Variants in GRID1 observed in about 807,000 individuals in gnomAD.
GRID1 encodes glutamate receptor ionotropic, delta-1.
Under a neutral mutation model 98.0 loss-of-function variants are expected in GRID1, and 28 were observed. The observed-to-expected ratio is 0.29, with a 90% CI of 0.21 to 0.39. The LOEUF (loss-of-function observed/expected upper bound fraction) is 0.39, where lower values mean the gene tolerates loss of function less well. GRID1 is among the 10% of genes least tolerant of loss of function. GRID1 has a pLI of 1.00. For synonymous variants in GRID1, 553 were observed against 538.5 expected, an observed-to-expected ratio of 1.03 and a Z score of -0.37; for missense variants, 1,111 against 1,340.5, an observed-to-expected ratio of 0.83 and a Z score of 2.67.
intron 5 of GRID1, among the ~76,000 whole-genome samples, chr10:85,875,786 A>C (rs1486986159): frequency 6.6e-6 from 1 of 152,150 alleles, no homozygotes; most frequent in Non-Finnish European, 1.5e-5. Context: ...TTTTAATTCA[A>C]TCTTTCTTTG....
intron 5 of GRID1, among the ~76,000 whole-genome samples, chr10:85,906,466 T>A (rs917986604): frequency 2.6e-5 from 4 of 152,292 alleles, no homozygotes; most frequent in Non-Finnish European, 4.4e-5. Flanking sequence ...TCAAGTATAC[T>A]TGAAATATCT....
intron 2 of GRID1, among the ~76,000 whole-genome samples, chr10:86,280,681 A>G (rs1847345611): frequency 1.3e-5 from 2 of 152,260 alleles, no homozygotes; most frequent in South Asian, 2.1e-4. Flanking sequence ...TTTCAAGGCC[A>G]TGACCTGGCC....
chr10:85,793,333 C>T (rs114445519), intron 8 of GRID1, among the ~76,000 whole-genome samples: 31 of 152,334 alleles, frequency 2.0e-4, no homozygotes, highest in Non-Finnish European at 2.8e-4. Flanking sequence ...GTGTGCTCTC[C>T]GCAATCAAGC....
At chr10:85,798,645 C>G (rs73330529) in intron 8 of GRID1, among the ~76,000 whole-genome samples, 4,949 of 152,116 alleles carry the variant, frequency 0.033, 107 homozygotes, top group East Asian at 0.064. Context: ...TACATACTGT[C>G]TCTTTGCATA....
At chr10:86,032,319 G>C (rs1261733056) in intron 4 of GRID1, among the ~76,000 whole-genome samples, 1 of 152,236 alleles carries the variant, frequency 6.6e-6, no homozygotes, top group African/African-American at 2.4e-5. Flanking sequence ...ACCCCATCTG[G>C]GAGGTGTACC....
At chr10:86,149,475 G>C (rs1268592094) in intron 3 of GRID1, among the ~76,000 whole-genome samples, 3 of 152,138 alleles carry the variant, frequency 2.0e-5, no homozygotes, top group Non-Finnish European at 4.4e-5. Context: ...CCCCTGCCTG[G>C]GGCACTAACA....
chr10:85,968,387 C>G (rs909183266), intron 4 of GRID1, among the ~76,000 whole-genome samples: 1 of 144,370 alleles, frequency 6.9e-6, no homozygotes, highest in Non-Finnish European at 1.5e-5. Flanking sequence ...GGAGGCGGAG[C>G]TGGCTGTGAG....
intron 2 of GRID1, among the ~76,000 whole-genome samples, chr10:86,326,096 A>T (rs1006608588): frequency 6.6e-6 from 1 of 152,270 alleles, no homozygotes; most frequent in African/African-American, 2.4e-5. Context: ...AGCACTCCCA[A>T]TTAGAAAATG....
At chr10:85,726,943 G>C (rs1841767152) in intron 10 of GRID1, among the ~76,000 whole-genome samples, 1 of 152,182 alleles carries the variant, frequency 6.6e-6, no homozygotes, top group Non-Finnish European at 1.5e-5. Context: ...AGGTGTTTCT[G>C]AAAAAGATTA....
intron 8 of GRID1, among the ~76,000 whole-genome samples, chr10:85,787,298 G>A (rs909088421): frequency 1.4e-4 from 21 of 152,134 alleles, no homozygotes; most frequent in Non-Finnish European, 3.1e-4. Context: ...CATCCTCATT[G>A]CCTGGATCTG....
intron 2 of GRID1, among the ~76,000 whole-genome samples, chr10:86,231,849 G>A (rs1396035539): frequency 6.6e-6 from 1 of 152,148 alleles, no homozygotes; most frequent in African/African-American, 2.4e-5. Flanking sequence ...TTAACTGTCT[G>A]TCTCCCCAAG....
At chr10:85,628,450 G>T (rs1426813960) in intron 13 of GRID1, among the ~76,000 whole-genome samples, 2 of 152,100 alleles carry the variant, frequency 1.3e-5, no homozygotes, top group East Asian at 3.9e-4. Context: ...TTGCCCCCAG[G>T]GAGGCAGCAG....
chr10:86,094,863 AC>A (rs1844198430), intron 4 of GRID1, among the ~76,000 whole-genome samples: 1 of 152,174 alleles, frequency 6.6e-6, no homozygotes, highest in African/African-American at 2.4e-5. Flanking sequence ...TTCATGTGGA[AC>A]CAAAAAAGAG....
chr10:86,083,958 G>A (rs1338354211), intron 4 of GRID1, among the ~76,000 whole-genome samples: 4 of 152,232 alleles, frequency 2.6e-5, no homozygotes, highest in Admixed American at 2.6e-4. Flanking sequence ...CCCAAGGGAA[G>A]GGGCGAGGCT....
At chr10:85,897,217 C>T (rs959025976) in intron 5 of GRID1, among the ~76,000 whole-genome samples, 5 of 152,122 alleles carry the variant, frequency 3.3e-5, no homozygotes, top group African/African-American at 1.2e-4. Flanking sequence ...TCTATCCCTG[C>T]CCCTCCCACT....
At chr10:86,056,165 C>T (rs938721537) in intron 4 of GRID1, among the ~76,000 whole-genome samples, 3 of 152,218 alleles carry the variant, frequency 2.0e-5, no homozygotes, top group African/African-American at 7.2e-5. Context: ...GGGCTGCCTC[C>T]TGCCTTGAGT....
intron 3 of GRID1, among the ~76,000 whole-genome samples, chr10:86,159,386 T>C (rs944052760): frequency 1.3e-5 from 2 of 152,180 alleles, no homozygotes; most frequent in African/African-American, 4.8e-5. Context: ...CACAGTAACA[T>C]CATTACCTTT....
At chr10:86,309,985 C>A (rs148189615) in intron 2 of GRID1, among the ~76,000 whole-genome samples, 114 of 152,298 alleles carry the variant, frequency 7.5e-4, no homozygotes, top group African/African-American at 2.6e-3. Flanking sequence ...TTCAAGCCCA[C>A]TACCACCCCT....
At chr10:86,010,872 T>C (rs1842916778) in intron 4 of GRID1, among the ~76,000 whole-genome samples, 1 of 150,846 alleles carries the variant, frequency 6.6e-6, no homozygotes. Context: ...TATGTGTTTG[T>C]GTAGAAAAAA....
Sources: allele counts gnomAD v4.1 joint callset (sites outside exome capture counted in the v4.1 genomes callset), GRCh38; gene constraint gnomAD v4.1.1; transcripts MANE v1.5; gene names NCBI Gene and HGNC (gene_info 2026-07-23, HGNC 2026-07-21).